The following NPR3 variants were observed in gnomAD, a reference collection of about 807,000 sequenced individuals.
NPR3 encodes the protein natriuretic peptide receptor 3.
In NPR3, 34 loss-of-function variants were observed where a neutral mutation model predicts 54.5. The observed-to-expected ratio is 0.62, with a 90% CI of 0.47 to 0.83. NPR3 has a LOEUF of 0.83. Ranked by LOEUF, NPR3 falls within the 40% of genes least tolerant of loss-of-function variation. NPR3 has a pLI of 0.00. For synonymous variants in NPR3, 289 were observed against 297.1 expected, an observed-to-expected ratio of 0.97 and a Z score of 0.28; for missense variants, 674 against 720.8, an observed-to-expected ratio of 0.94 and a Z score of 0.74.
Position 32,712,560 on chromosome 5 carries a change from G to C in NPR3, c.769+15G>C. 1 of 1,503,764 alleles carries C rather than the reference G, an allele frequency of 6.6e-7. No individual in the cohort carries two copies. The allele number at this position is 1,503,764 out of a possible 1,614,324, so 93.2% of individuals were successfully genotyped here. ...CAGTGAGAGAGGTGAGCAGGGGCGC[G>C]TCCCGGGCCCCGGGCCCTAACCCAA... On this transcript the variant is annotated intron_variant, in intron 1 of 7. Coordinates refer to ENST00000265074, the MANE Select transcript of NPR3 (RefSeq NM_001204375.2).
At chr5:32,738,342 G>C (rs1739860999) in intron 2 of NPR3, among the ~76,000 whole-genome samples, 1 of 150,180 alleles carries the variant, frequency 6.7e-6, no homozygotes, top group Non-Finnish European at 1.5e-5. Context: ...CTGTGTCTAT[G>C]TGTTCTCATT....
intron 1 of NPR3, among the ~76,000 whole-genome samples, chr5:32,694,135 T>C (rs946730538): frequency 1.3e-5 from 2 of 152,190 alleles, no homozygotes; most frequent in African/African-American, 4.8e-5. Context: ...CTTTGTCCCA[T>C]TATGTAAGAG....
intron 2 of NPR3, among the ~76,000 whole-genome samples, chr5:32,729,871 A>AACC (rs1420180759): frequency 6.6e-6 from 1 of 152,220 alleles, no homozygotes; most frequent in Admixed American, 6.5e-5. Flanking sequence ...GTTACCAAAT[A>AACC]ACCATAGTAC....
chr5:32,785,077 TCATGGGTTTTGACTA>T, intron 7 of NPR3, among the ~76,000 whole-genome samples, 194 bp downstream of exon 7: 1 of 151,744 alleles, frequency 6.6e-6, no homozygotes, highest in East Asian at 1.9e-4. Context: ...GGTGCCAGGG[TCATGGGTTTTGACTA>T]CATCTCACAG....
chr5:32,694,320 A>G (rs1740472097), intron 1 of NPR3, among the ~76,000 whole-genome samples: 1 of 152,226 alleles, frequency 6.6e-6, no homozygotes, highest in Non-Finnish European at 1.5e-5. Flanking sequence ...TTCCAAACAA[A>G]TTACAACATA....
chr5:32,778,681 G>C (rs1315817836), intron 4 of NPR3, among the ~76,000 whole-genome samples: 2 of 152,192 alleles, frequency 1.3e-5, no homozygotes, highest in East Asian at 3.9e-4. Context: ...TCTACTGTAA[G>C]CCTGGAAATC....
At chr5:32,704,677 CA>C (rs1737939059), upstream of NPR3, among the ~76,000 whole-genome samples, 1 of 152,120 alleles carries the variant, frequency 6.6e-6, no homozygotes, top group Admixed American at 6.6e-5. Context: ...CAAATCTGAG[CA>C]ATGTTATGGA....
chr5:32,759,303 A>G (rs1257527386), intron 3 of NPR3, among the ~76,000 whole-genome samples: 1 of 152,166 alleles, frequency 6.6e-6, no homozygotes, highest in African/African-American at 2.4e-5. Context: ...TTGAGTGCAT[A>G]TATATTTAAG....
rs141501822 is a variant in NPR3 at position 32,702,094 on chromosome 5, G to A, written c.100+12908G>A. ...ATTAACAGGTGGAAAAGCCAGCCAG[G>A]CTTGTGTTCTTCTCTTCAGGATGCT... On this transcript the variant is annotated intron_variant, in intron 1 of 5. Transcript: ENST00000509104. Among the ~76,000 whole-genome samples, 247 of 152,242 alleles carry A rather than the reference G, an allele frequency of 1.6e-3. 3 individuals carry two copies. The highest frequency in any genetic ancestry group is 5.9e-3 in the African/African-American group (245 of 41,544).
chr5:32,780,936 A>G, intron 5 of NPR3, 120 bp downstream of exon 5: 1 of 618,180 alleles, frequency 1.6e-6, no homozygotes, highest in Non-Finnish European at 2.9e-6. Flanking sequence ...AAATGAGTTG[A>G]AAAACCTCAA....
chr5:32,767,272 G>A (rs946517835), intron 3 of NPR3, among the ~76,000 whole-genome samples: 3 of 152,166 alleles, frequency 2.0e-5, no homozygotes, highest in African/African-American at 7.2e-5. Flanking sequence ...TTAAAAACTT[G>A]CCCACTCAAC....
upstream of NPR3, among the ~76,000 whole-genome samples, chr5:32,704,571 C>G (rs1214817345): frequency 6.6e-6 from 1 of 152,170 alleles, no homozygotes; most frequent in Non-Finnish European, 1.5e-5. Context: ...GATGAGGCTT[C>G]TAAATGCATG....
chr5:32,775,240 C>T (rs1048201163), intron 4 of NPR3, among the ~76,000 whole-genome samples: 4 of 151,622 alleles, frequency 2.6e-5, no homozygotes, highest in African/African-American at 4.9e-5. Flanking sequence ...CATTAGCTGT[C>T]ACAGTTAAAC....
chr5:32,774,688 A>T lies in NPR3; in HGVS notation c.1060-20A>T, dbSNP rs369159764. 4 of 1,602,966 alleles carry T rather than the reference A, an allele frequency of 2.5e-6. No homozygotes were observed. The highest frequency in any genetic ancestry group is 3.4e-6 in the Non-Finnish European group (4 of 1,169,814). ...AGTCACTTGGTGTTTTGGTTCACCC[A>T]TCTGGGGTTTTCTTTTCAGGTTAAC... On this transcript the variant is annotated intron_variant, in intron 3 of 7. Coordinates refer to ENST00000265074, the MANE Select transcript of NPR3 (RefSeq NM_001204375.2).
At position 32,711,577 on chromosome 5, in the gene NPR3, A is replaced by C; in HGVS notation, c.-200A>C. The C allele has an allele frequency of 1.0e-6, 1 of 997,512 alleles. No homozygotes were observed. 61.8% of individuals were successfully genotyped at this position (997,512 alleles called of 1,614,324 possible). A position where few individuals can be genotyped will look rare whatever the true frequency, so the allele number is the denominator to read the frequency against. Reference sequence around the variant, plus strand: ...TTCTTTTTCTTTTTCTTTTTTTTTTAAGAAAAACTAGTGACATTGCAGAGA... The same window carrying C: ...TTCTTTTTCTTTTTCTTTTTTTTTTCAGAAAAACTAGTGACATTGCAGAGA... On this transcript the variant is annotated 5_prime_UTR_variant, in exon 1 of 8. Coordinates refer to ENST00000265074, the MANE Select transcript of NPR3 (RefSeq NM_001204375.2).
At position 32,763,723 on chromosome 5, in the gene NPR3, C is replaced by T. The variant is rs184992195; in HGVS notation, c.1060-10985C>T. 3.9e-3 allele frequency among the ~76,000 whole-genome samples: 590 copies of T among 152,200 alleles called. 6 individuals carry two copies. Among genetic ancestry groups the T allele is most frequent in the Non-Finnish European group, 5.8e-3 (394 of 68,024 alleles). ...TCATCTCCAGGTCACTTTCTACTCA[C>T]GATATTTTTCTTGAGTGTAGGTCAC... On this transcript the variant is annotated intron_variant, in intron 3 of 7. Transcript: ENST00000265074.
intron 3 of NPR3, among the ~76,000 whole-genome samples, chr5:32,765,006 T>C (rs890244849): frequency 5.3e-5 from 8 of 152,178 alleles, no homozygotes; most frequent in African/African-American, 1.7e-4. Flanking sequence ...AATATTTAGT[T>C]TAGCTTTTTT....
Position 32,787,023 on chromosome 5 carries a change from T to C in NPR3, c.*678T>C, listed in dbSNP as rs151209477. On this transcript the variant is annotated 3_prime_UTR_variant, in exon 8 of 8. Coordinates refer to ENST00000265074, the MANE Select transcript of NPR3 (RefSeq NM_001204375.2). Reference sequence around the variant, plus strand: ...CAAGTCAAAAATATTTCCTTTTTGATGTAAAAAAAAAAAGCCCTATTTCGC... The same window carrying C: ...CAAGTCAAAAATATTTCCTTTTTGACGTAAAAAAAAAAAGCCCTATTTCGC... 1 of 148,986 alleles carries C rather than the reference T, an allele frequency of 6.7e-6. No individual in the cohort carries two copies. The highest frequency in any genetic ancestry group is 2.6e-5 in the African/African-American group (1 of 38,282). 9.2% of individuals were successfully genotyped at this position (148,986 alleles called of 1,614,324 possible).
Position 32,714,441 on chromosome 5 carries a change from G to T in NPR3, c.769+1896G>T, listed in dbSNP as rs940011630. Among the ~76,000 whole-genome samples, 63 of 152,316 alleles carry T rather than the reference G, an allele frequency of 4.1e-4. 1 individual carries two copies. The highest frequency in any genetic ancestry group is 6.8e-3 in the Middle Eastern group (2 of 294). On this transcript the variant is annotated intron_variant, in intron 1 of 7. Transcript: ENST00000265074. ...CCCCGGGCTTCTGAGGACTAGGGCT[G>T]CAGTCGGCTGTAAGAATTATTTTTT...
Sources: allele counts gnomAD v4.1 joint callset (sites outside exome capture counted in the v4.1 genomes callset), GRCh38; gene constraint gnomAD v4.1.1; transcripts MANE v1.5; gene names NCBI Gene and HGNC (gene_info 2026-07-23, HGNC 2026-07-21).